The following H2BC6 variants were observed in gnomAD, a reference collection of about 807,000 sequenced individuals.
H2BC6 encodes H2B clustered histone 6, also known as histone H2B type 1-C/E/F/G/I.
In H2BC6, 8 loss-of-function variants were observed where a neutral mutation model predicts 6.1. The ratio of observed to expected loss-of-function variants is 1.31; its 90% CI spans 0.77 to 2.36. The LOEUF is 2.36. Among genes scored for constraint, H2BC6 ranks in the 30% most tolerant of loss-of-function variants. The probability of loss-of-function intolerance (pLI) is 0.00; values close to 1 mark genes in which losing one functional copy is unlikely to be tolerated. For missense variants in H2BC6, 212 were observed against 169.9 expected (o/e 1.25, Z -1.38); for synonymous variants, 136 against 73.9 (o/e 1.84, Z -4.31).
chr6:26,184,059 G>T lies in H2BC6; in HGVS notation c.264G>T (p.Ser88=). 5 of 1,614,230 alleles carry T rather than the reference G, an allele frequency of 3.1e-6. No individual in the cohort carries two copies. The highest frequency in any genetic ancestry group is 4.2e-6 in the Non-Finnish European group (5 of 1,180,036). Residue 88 remains serine (S), a synonymous_variant, in exon 1 of 1, where the codon TCG becomes TCT. Transcript: ENST00000614097. The part of the protein sequence containing the change: ...ASRLAHYNKR[S]TITSREIQTA... ...GCCTGGCGCATTACAACAAGCGCTCGACCATCACCTCCAGGGAGATCCAGA... is the reference window on the plus strand; with the variant it reads ...GCCTGGCGCATTACAACAAGCGCTCTACCATCACCTCCAGGGAGATCCAGA...
At position 26,183,839 on chromosome 6, in the gene H2BC6, C is replaced by G. The variant is rs753645222; in HGVS notation, c.44C>G (p.Ser15Cys). 1.9e-6 allele frequency: 3 copies of G among 1,614,212 alleles called. No homozygotes were observed. The highest frequency in any genetic ancestry group is 2.5e-6 in the Non-Finnish European group (3 of 1,180,046). ...AKSAPAPKKG[S>C]KKAVTKAQKK... ...TCCGCTCCCGCCCCGAAGAAGGGCT[C>G]CAAGAAGGCCGTGACCAAGGCGCAG... Residue 15 changes from serine to cysteine, a missense_variant, in exon 1 of 1, where the codon TCC (serine) becomes TGC (cysteine). Ser to Cys is a moderately radical substitution (Grantham distance 112). Transcript: ENST00000614097.
chr6:26,183,779 A>G lies in H2BC6; in HGVS notation c.-17A>G, dbSNP rs754210356. 1.9e-6 allele frequency: 3 copies of G among 1,613,216 alleles called. No homozygotes were observed. Among genetic ancestry groups the G allele is most frequent in the Non-Finnish European group, 2.5e-6 (3 of 1,179,768 alleles). On this transcript the variant is annotated 5_prime_UTR_variant, in exon 1 of 1. Coordinates refer to ENST00000614097, the MANE Select transcript of H2BC6 (RefSeq NM_003523.3). Reference sequence around the variant, plus strand: ...AGATTTCATTTTCTTTCCTAACTGCAGAACAGCAAAGATAGCATGCCTGAG... The same window carrying G: ...AGATTTCATTTTCTTTCCTAACTGCGGAACAGCAAAGATAGCATGCCTGAG...
rs748838846 is a variant in H2BC6, at chr6:26,184,155, C to G, written c.360C>G (p.Thr120=). Reference sequence around the variant, plus strand: ...TGTCAGAGGGCACCAAGGCCGTTACCAAGTACACCAGCTCCAAGTAAACTT... The same window carrying G: ...TGTCAGAGGGCACCAAGGCCGTTACGAAGTACACCAGCTCCAAGTAAACTT... The part of the protein sequence containing the change: ...HAVSEGTKAV[T]KYTSSK Residue 120 remains threonine, a synonymous_variant, in exon 1 of 1, where the codon ACC becomes ACG. Transcript: ENST00000614097. The G allele has an allele frequency of 8.1e-6, 13 of 1,614,192 alleles. No homozygotes were observed. The South Asian group carries it at 1.4e-4, about 18-fold the overall frequency.
Position 26,183,808 on chromosome 6 carries a change from G to C in H2BC6, c.13G>C (p.Ala5Pro), listed in dbSNP as rs1482308117. ...CAGCAAAGATAGCATGCCTGAGCCAGCGAAATCCGCTCCCGCCCCGAAGAA... is the reference window on the plus strand; with the variant it reads ...CAGCAAAGATAGCATGCCTGAGCCACCGAAATCCGCTCCCGCCCCGAAGAA... MPEPAKSAPAPKKGS... is the reference protein window; with the variant it reads MPEPPKSAPAPKKGS... Residue 5 changes from alanine (A) to proline (P), a missense_variant, in exon 1 of 1, where the codon GCG becomes CCG. Physicochemically the swap from Ala to Pro is conservative, Grantham distance 27. Transcript: ENST00000614097. The C allele has an allele frequency of 6.2e-7, 1 of 1,614,132 alleles. No homozygotes were observed.
chr6:26,183,809 C>G lies in H2BC6; in HGVS notation c.14C>G (p.Ala5Gly). The G allele has an allele frequency of 6.2e-7, 1 of 1,614,118 alleles. No homozygotes were observed. The highest frequency in any genetic ancestry group is 8.5e-7 in the Non-Finnish European group (1 of 1,179,976). Residue 5 changes from alanine to glycine, a missense_variant, in exon 1 of 1, where the codon GCG becomes GGG. Physicochemically the swap from Ala to Gly is moderately conservative, Grantham distance 60 (BLOSUM62 0). Transcript: ENST00000614097. MPEP[A>G]KSAPAPKKGS... Reference sequence around the variant, plus strand: ...AGCAAAGATAGCATGCCTGAGCCAGCGAAATCCGCTCCCGCCCCGAAGAAG... The same window carrying G: ...AGCAAAGATAGCATGCCTGAGCCAGGGAAATCCGCTCCCGCCCCGAAGAAG...
At position 26,183,842 on chromosome 6, in the gene H2BC6, A is replaced by G. The variant is rs779190019; in HGVS notation, c.47A>G (p.Lys16Arg). ...KSAPAPKKGS[K>R]KAVTKAQKKD... is the part of the protein sequence containing the mutation. Reference sequence around the variant, plus strand: ...GCTCCCGCCCCGAAGAAGGGCTCCAAGAAGGCCGTGACCAAGGCGCAGAAG... The same window carrying G: ...GCTCCCGCCCCGAAGAAGGGCTCCAGGAAGGCCGTGACCAAGGCGCAGAAG... The change falls in exon 1 of 1, where the codon AAG becomes AGG. Residue 16 changes from lysine (K) to arginine (R), a missense_variant. By Grantham distance (26) the Lys-to-Arg change is conservative. Transcript: ENST00000614097. 3 of 1,614,150 alleles carry G rather than the reference A, an allele frequency of 1.9e-6. No individual in the cohort carries two copies. The highest frequency in any genetic ancestry group is 2.7e-5 in the African/African-American group (2 of 74,960).
Position 26,183,783 on chromosome 6 carries a change from C to G in H2BC6, c.-13C>G, listed in dbSNP as rs116848504. On this transcript the variant is annotated 5_prime_UTR_variant, in exon 1 of 1. Coordinates refer to ENST00000614097, the MANE Select transcript of H2BC6 (RefSeq NM_003523.3). The stretch of plus-strand genomic sequence containing the variant: ...TTCATTTTCTTTCCTAACTGCAGAA[C>G]AGCAAAGATAGCATGCCTGAGCCAG... The G allele has an allele frequency of 3.1e-6, 5 of 1,613,580 alleles. No homozygotes were observed. The highest frequency in any genetic ancestry group is 3.3e-4 in the Middle Eastern group (2 of 6,058).
chr6:26,184,157 A>G lies in H2BC6; in HGVS notation c.362A>G (p.Lys121Arg). The G allele has an allele frequency of 6.2e-7, 1 of 1,614,242 alleles. No individual in the cohort carries two copies. The highest frequency in any genetic ancestry group is 8.5e-7 in the Non-Finnish European group (1 of 1,180,044). ...AVSEGTKAVT[K>R]YTSSK Reference sequence around the variant, plus strand: ...TCAGAGGGCACCAAGGCCGTTACCAAGTACACCAGCTCCAAGTAAACTTGT... The same window carrying G: ...TCAGAGGGCACCAAGGCCGTTACCAGGTACACCAGCTCCAAGTAAACTTGT... Residue 121 changes from lysine to arginine, a missense_variant, in exon 1 of 1, where the codon AAG becomes AGG. Transcript: ENST00000614097.
At position 26,183,908 on chromosome 6, in the gene H2BC6, A is replaced by C; in HGVS notation, c.113A>C (p.Tyr38Ser). The C allele has an allele frequency of 6.2e-7, 1 of 1,614,230 alleles. No individual in the cohort carries two copies. The highest frequency in any genetic ancestry group is 8.5e-7 in the Non-Finnish European group (1 of 1,180,038). ...CGCAAGCGCAGCCGCAAGGAGAGCT[A>C]CTCCGTATACGTGTACAAGGTGCTG... is the stretch of plus-strand genomic sequence containing the variant. Reference protein sequence around the residue: ...KKRKRSRKESYSVYVYKVLKQ... With the variant: ...KKRKRSRKESSSVYVYKVLKQ... Residue 38 changes from tyrosine to serine, a missense_variant, in exon 1 of 1, where the codon TAC (tyrosine) becomes TCC (serine). Transcript: ENST00000614097.
rs751629438 is a variant in H2BC6, at chr6:26,183,889, C to T, written c.94C>T (p.Arg32Cys). The stretch of plus-strand genomic sequence containing the variant: ...GAAGAAGGACGGCAAGAAGCGCAAG[C>T]GCAGCCGCAAGGAGAGCTACTCCGT... ...AQKKDGKKRK[R>C]SRKESYSVYV... Residue 32 changes from arginine (R) to cysteine (C), a missense_variant, in exon 1 of 1, where the codon CGC (arginine) becomes TGC (cysteine). Physicochemically the swap from Arg to Cys is radical, Grantham distance 180 (BLOSUM62 -3). Coordinates refer to ENST00000614097, the MANE Select transcript of H2BC6 (RefSeq NM_003523.3). 4.3e-6 allele frequency: 7 copies of T among 1,614,138 alleles called. No individual in the cohort carries two copies. The highest frequency in any genetic ancestry group is 2.7e-5 in the African/African-American group (2 of 74,944).
At position 26,184,078 on chromosome 6, in the gene H2BC6, A is replaced by G. The variant is rs1170850940; in HGVS notation, c.283A>G (p.Ile95Val). ...GCGCTCGACCATCACCTCCAGGGAG[A>G]TCCAGACGGCCGTGCGCCTGCTGCT... ...NKRSTITSRE[I>V]QTAVRLLLPG... The change falls in exon 1 of 1, where the codon ATC (isoleucine) becomes GTC (valine). Residue 95 changes from isoleucine to valine, a missense_variant. Physicochemically the swap from Ile to Val is conservative, Grantham distance 29. Transcript: ENST00000614097. 6.2e-7 allele frequency: 1 copy of G among 1,614,180 alleles called. No individual in the cohort carries two copies. Among genetic ancestry groups the G allele is most frequent in the African/African-American group, 1.3e-5 (1 of 75,044 alleles).
chr6:26,184,048 A>C lies in H2BC6; in HGVS notation c.253A>C (p.Asn85His). ...AGEASRLAHY[N>H]KRSTITSREI... Reference sequence around the variant, plus strand: ...CGAGGCTTCCCGCCTGGCGCATTACAACAAGCGCTCGACCATCACCTCCAG... The same window carrying C: ...CGAGGCTTCCCGCCTGGCGCATTACCACAAGCGCTCGACCATCACCTCCAG... The change falls in exon 1 of 1, where the codon AAC becomes CAC. Residue 85 changes from asparagine (N) to histidine (H), a missense_variant. Coordinates refer to ENST00000614097, the MANE Select transcript of H2BC6 (RefSeq NM_003523.3). 1 of 1,614,222 alleles carries C rather than the reference A, an allele frequency of 6.2e-7. No individual in the cohort carries two copies. The highest frequency in any genetic ancestry group is 8.5e-7 in the Non-Finnish European group (1 of 1,180,046).
chr6:26,183,889 C>G lies in H2BC6; in HGVS notation c.94C>G (p.Arg32Gly), dbSNP rs751629438. The change falls in exon 1 of 1, where the codon CGC becomes GGC. Residue 32 changes from arginine (R) to glycine (G), a missense_variant. By Grantham distance (125) the Arg-to-Gly change is moderately radical (BLOSUM62 -2). Transcript: ENST00000614097. ...GAAGAAGGACGGCAAGAAGCGCAAG[C>G]GCAGCCGCAAGGAGAGCTACTCCGT... ...AQKKDGKKRKRSRKESYSVYV... is the reference protein window; with the variant it reads ...AQKKDGKKRKGSRKESYSVYV... 1.9e-6 allele frequency: 3 copies of G among 1,614,256 alleles called. No homozygotes were observed. The highest frequency in any genetic ancestry group is 1.7e-6 in the Non-Finnish European group (2 of 1,180,046).
At position 26,183,999 on chromosome 6, in the gene H2BC6, C is replaced by G. The variant is rs1020115294; in HGVS notation, c.204C>G (p.Asn68Lys). 1 of 1,614,132 alleles carries G rather than the reference C, an allele frequency of 6.2e-7. No homozygotes were observed. Among genetic ancestry groups the G allele is most frequent in the African/African-American group, 1.3e-5 (1 of 74,936 alleles). ...TGGGGATCATGAATTCCTTTGTCAACGACATCTTCGAGCGCATCGCCGGCG... is the reference window on the plus strand; with the variant it reads ...TGGGGATCATGAATTCCTTTGTCAAGGACATCTTCGAGCGCATCGCCGGCG... ...KAMGIMNSFVNDIFERIAGEA... is the reference protein window; with the variant it reads ...KAMGIMNSFVKDIFERIAGEA... The change falls in exon 1 of 1, where the codon AAC (asparagine) becomes AAG (lysine). Residue 68 changes from asparagine (N) to lysine (K), a missense_variant. Asn to Lys is a moderately conservative substitution (Grantham distance 94). Transcript: ENST00000614097.
At position 26,183,972 on chromosome 6, in the gene H2BC6, C is replaced by T. The variant is rs1461744399; in HGVS notation, c.177C>T (p.Ala59=). The T allele has an allele frequency of 1.4e-5, 23 of 1,614,256 alleles. No individual in the cohort carries two copies. Among genetic ancestry groups the T allele is most frequent in the Non-Finnish European group, 1.9e-5 (23 of 1,180,042 alleles). The part of the protein sequence containing the change: ...VHPDTGISSK[A]MGIMNSFVND... ...CCGACACCGGCATCTCCTCTAAAGC[C>T]ATGGGGATCATGAATTCCTTTGTCA... The change falls in exon 1 of 1, where the codon GCC becomes GCT. Residue 59 remains alanine, a synonymous_variant. Coordinates refer to ENST00000614097, the MANE Select transcript of H2BC6 (RefSeq NM_003523.3).
In H2BC6 at chr6:26,184,170, C is replaced by G; in HGVS notation, c.375C>G (p.Ser125=). The G allele has an allele frequency of 6.2e-7, 1 of 1,614,068 alleles. No homozygotes were observed. Among genetic ancestry groups the G allele is most frequent in the Non-Finnish European group, 8.5e-7 (1 of 1,179,962 alleles). The stretch of plus-strand genomic sequence containing the variant: ...AGGCCGTTACCAAGTACACCAGCTC[C>G]AAGTAAACTTGTCCCTGCAACTGCC... ...GTKAVTKYTS[S]K The change falls in exon 1 of 1, where the codon TCC becomes TCG. Residue 125 remains serine, a synonymous_variant. Transcript: ENST00000614097.
In H2BC6 at chr6:26,183,773, A is replaced by C. The variant is rs1422212820; in HGVS notation, c.-23A>C. 1.2e-6 allele frequency: 2 copies of C among 1,608,644 alleles called. No individual in the cohort carries two copies. The highest frequency in any genetic ancestry group is 2.2e-5 in the South Asian group (2 of 90,172). Reference sequence around the variant, plus strand: ...AGATGTAGATTTCATTTTCTTTCCTAACTGCAGAACAGCAAAGATAGCATG... The same window carrying C: ...AGATGTAGATTTCATTTTCTTTCCTCACTGCAGAACAGCAAAGATAGCATG... On this transcript the variant is annotated 5_prime_UTR_variant, in exon 1 of 1. Transcript: ENST00000614097.
rs1274397818 is a variant in H2BC6 at position 26,183,997 on chromosome 6, A to G, written c.202A>G (p.Asn68Asp). Residue 68 changes from asparagine (N) to aspartate (D), a missense_variant, in exon 1 of 1, where the codon AAC becomes GAC. By Grantham distance (23) the Asn-to-Asp change is conservative. Coordinates refer to ENST00000614097, the MANE Select transcript of H2BC6 (RefSeq NM_003523.3). ...KAMGIMNSFV[N>D]DIFERIAGEA... The stretch of plus-strand genomic sequence containing the variant: ...CATGGGGATCATGAATTCCTTTGTC[A>G]ACGACATCTTCGAGCGCATCGCCGG... 7 of 1,614,106 alleles carry G rather than the reference A, an allele frequency of 4.3e-6. No homozygotes were observed. The highest frequency in any genetic ancestry group is 5.9e-6 in the Non-Finnish European group (7 of 1,180,062).
chr6:26,183,770 C>T lies in H2BC6; in HGVS notation c.-26C>T, dbSNP rs576902929. ...AGGAGATGTAGATTTCATTTTCTTT[C>T]CTAACTGCAGAACAGCAAAGATAGC... On this transcript the variant is annotated 5_prime_UTR_variant, in exon 1 of 1. Coordinates refer to ENST00000614097, the MANE Select transcript of H2BC6 (RefSeq NM_003523.3). The T allele has an allele frequency of 1.4e-5, 22 of 1,607,638 alleles. No homozygotes were observed. The highest frequency in any genetic ancestry group is 1.6e-5 in the Non-Finnish European group (19 of 1,178,192).
Sources: allele counts gnomAD v4.1 joint callset, GRCh38; gene constraint gnomAD v4.1.1; transcripts MANE v1.5; gene names NCBI Gene and HGNC (gene_info 2026-07-23, HGNC 2026-07-21).